ANKS1B: variants seen among roughly 807,000 people sequenced by gnomAD.
ANKS1B encodes ankyrin repeat and sterile alpha motif domain-containing protein 1B.
A neutral mutation model predicts 148.3 loss-of-function variants in ANKS1B; 36 were observed. That is an observed-to-expected ratio of 0.24 (90% CI 0.19 to 0.32). The LOEUF is 0.32. ANKS1B is among the 10% of genes least tolerant of loss of function. The probability of loss-of-function intolerance (pLI) is 1.00; values close to 1 mark genes in which losing one functional copy is unlikely to be tolerated. For synonymous variants in ANKS1B, 542 were observed against 560.8 expected, an observed-to-expected ratio of 0.97 and a Z score of 0.47; for missense variants, 1,157 against 1,542.6, an observed-to-expected ratio of 0.75 and a Z score of 4.19.
At chr12:99,737,665 C>T (rs1179976787) in intron 8 of ANKS1B, among the ~76,000 whole-genome samples, 1 of 152,028 alleles carries the variant, frequency 6.6e-6, no homozygotes, top group African/African-American at 2.4e-5. Flanking sequence ...ATCACCTCCC[C>T]ATACCATGTC....
chr12:99,892,515 C>A (rs2093167007), intron 1 of ANKS1B, among the ~76,000 whole-genome samples: 2 of 152,098 alleles, frequency 1.3e-5, no homozygotes, highest in African/African-American at 4.8e-5. Context: ...AAACCTGAAT[C>A]CCCAACCAGA....
intron 14 of ANKS1B, among the ~76,000 whole-genome samples, chr12:99,202,070 G>A (rs2082132790): frequency 6.6e-6 from 1 of 152,150 alleles, no homozygotes; most frequent in Non-Finnish European, 1.5e-5. Context: ...ACTCAACAGA[G>A]TACATTGGCT....
chr12:99,501,601 G>T (rs1231212014), intron 10 of ANKS1B, among the ~76,000 whole-genome samples: 2 of 152,132 alleles, frequency 1.3e-5, no homozygotes, highest in Admixed American at 1.3e-4. Flanking sequence ...GGGAATACAG[G>T]ATTACCTCTG....
chr12:98,891,423 A>G (rs2099752363), intron 17 of ANKS1B, among the ~76,000 whole-genome samples: 1 of 152,224 alleles, frequency 6.6e-6, no homozygotes, highest in South Asian at 2.1e-4. Context: ...CTAAAAAATC[A>G]TCTCATGATT....
At chr12:99,455,841 A>G (rs945059887) in intron 10 of ANKS1B, among the ~76,000 whole-genome samples, 13 of 152,110 alleles carry the variant, frequency 8.5e-5, no homozygotes, top group Non-Finnish European at 1.6e-4. Flanking sequence ...TGGCCCTGGT[A>G]GCTGAAGACT....
At chr12:99,632,725 T>TTATATATATA (rs1294251446) in intron 9 of ANKS1B, among the ~76,000 whole-genome samples, 2 of 26,188 alleles carry the variant, frequency 7.6e-5, no homozygotes, top group African/African-American at 2.1e-4. Flanking sequence ...TTCCTTTTCT[T>TTATATATATA]TCTATATATA....
chr12:99,743,505 T>C (rs1401880261), intron 8 of ANKS1B, among the ~76,000 whole-genome samples: 2 of 152,208 alleles, frequency 1.3e-5, no homozygotes, highest in African/African-American at 4.8e-5. Flanking sequence ...CAACATAACG[T>C]TAATCTTTTA....
At chr12:99,131,678 T>G (rs1379691336) in intron 15 of ANKS1B, among the ~76,000 whole-genome samples, 1 of 152,212 alleles carries the variant, frequency 6.6e-6, no homozygotes, top group African/African-American at 2.4e-5. Flanking sequence ...GTAACTTCAT[T>G]TATAATGGGA....
At chr12:99,852,144 T>C (rs534720044) in intron 1 of ANKS1B, among the ~76,000 whole-genome samples, 2 of 152,314 alleles carry the variant, frequency 1.3e-5, no homozygotes, top group South Asian at 2.1e-4. Context: ...GAAACATGTA[T>C]AGAGTGCTAT....
chr12:99,796,617 AT>A (rs1236887785), intron 4 of ANKS1B, among the ~76,000 whole-genome samples: 1 of 152,092 alleles, frequency 6.6e-6, no homozygotes, highest in Non-Finnish European at 1.5e-5. Flanking sequence ...AAAATTAAAA[AT>A]AAAATACAAA....
At chr12:99,295,839 ATAAG>A (rs2080799580) in intron 12 of ANKS1B, among the ~76,000 whole-genome samples, 1 of 152,166 alleles carries the variant, frequency 6.6e-6, no homozygotes. Flanking sequence ...GCTCCCACTT[ATAAG>A]TGAGTACATG....
intron 9 of ANKS1B, among the ~76,000 whole-genome samples, chr12:99,637,723 T>TC (rs2098252902): frequency 6.6e-6 from 1 of 151,786 alleles, no homozygotes; most frequent in Non-Finnish European, 1.5e-5. Context: ...TCCTTGCTCC[T>TC]CAGCTTGCAG....
intron 17 of ANKS1B, chr12:99,048,741 G>C (rs2099964045): frequency 6.6e-6 from 1 of 152,488 alleles, no homozygotes; most frequent in African/African-American, 2.4e-5. Context: ...TTATTTGGGA[G>C]ACTGTCCATC....
intron 14 of ANKS1B, among the ~76,000 whole-genome samples, chr12:99,230,954 G>A (rs1004585412): frequency 5.3e-5 from 8 of 152,050 alleles, no homozygotes; most frequent in Non-Finnish European, 5.9e-5. Flanking sequence ...TTCCCCAGTT[G>A]CTTCTATTAA....
At chr12:98,735,273 A>T in exon 10 of ANKS1B, 1 of 399,816 alleles carries the variant, frequency 2.5e-6, no homozygotes, top group Non-Finnish European at 4.4e-6. Flanking sequence ...ATTGGACTTC[A>T]TATATATAAT....
In ANKS1B at chr12:99,873,799, G is replaced by A. The variant is rs138376813; in HGVS notation, c.135-48410C>T. ...CTTTAAGTAAAGCAGATTGCCCTCT[G>A]CAATCTAGGTAGGCCTCGTTCAATC... On this transcript the variant is annotated intron_variant, in intron 1 of 26. Transcript: ENST00000683438. 8.2e-3 allele frequency among the ~76,000 whole-genome samples: 1,249 copies of A among 152,156 alleles called. 23 individuals carry two copies. The highest frequency in any genetic ancestry group is 0.028 in the African/African-American group (1,152 of 41,462).
intron 16 of ANKS1B, among the ~76,000 whole-genome samples, chr12:99,075,336 G>T (rs1321362147): frequency 6.6e-6 from 1 of 152,122 alleles, no homozygotes; most frequent in Non-Finnish European, 1.5e-5. Flanking sequence ...CTCCAGGATG[G>T]AAGGGTCCAT....
intron 12 of ANKS1B, among the ~76,000 whole-genome samples, chr12:99,353,275 C>T (rs1161190421): frequency 6.6e-6 from 1 of 152,008 alleles, no homozygotes; most frequent in Non-Finnish European, 1.5e-5. Context: ...AGTTTCCTTA[C>T]CTGTAAAACT....
chr12:99,147,100 A>C (rs2073394336), intron 15 of ANKS1B, among the ~76,000 whole-genome samples: 1 of 152,100 alleles, frequency 6.6e-6, no homozygotes, highest in Non-Finnish European at 1.5e-5. Flanking sequence ...CCCCTGTTCT[A>C]GTGTTTATAT....
Sources: gnomAD v4.1 joint callset for allele counts (sites outside exome capture counted in the v4.1 genomes callset) on GRCh38, gnomAD v4.1.1 for gene constraint, MANE v1.5 for transcripts, NCBI Gene and HGNC (gene_info 2026-07-23, HGNC 2026-07-21) for gene names.